FANK1: variants seen among roughly 807,000 people sequenced by gnomAD.
The protein encoded by FANK1 is fibronectin type III and ankyrin repeat domains 1.
A neutral mutation model predicts 45.3 loss-of-function variants in FANK1; 44 were observed. That is an observed-to-expected ratio of 0.97 (90% CI 0.76 to 1.25). The LOEUF (loss-of-function observed/expected upper bound fraction) is 1.25, where lower values mean the gene tolerates loss of function less well. Among genes scored for constraint, FANK1 ranks in the 50% most tolerant of loss-of-function variants. The probability of loss-of-function intolerance (pLI) is 0.00; values close to 1 mark genes in which losing one functional copy is unlikely to be tolerated. For missense variants in FANK1, 391 were observed against 424.4 expected (o/e 0.92, Z 0.69); for synonymous variants, 149 against 152.5 (o/e 0.98, Z 0.17).
intron 1 of FANK1, among the ~76,000 whole-genome samples, chr10:125,907,004 G>C (rs111894283): frequency 6.6e-6 from 1 of 152,194 alleles, no homozygotes; most frequent in Non-Finnish European, 1.5e-5. Context: ...CATTAGGTTT[G>C]TCCTCTGTAA....
chr10:125,942,475 G>T (rs895289738), intron 1 of FANK1, among the ~76,000 whole-genome samples: 6 of 152,108 alleles, frequency 3.9e-5, no homozygotes, highest in Non-Finnish European at 8.8e-5. Flanking sequence ...CCCCAATCTG[G>T]ACAAGCTGAG....
rs760631700 is a variant in FANK1, at chr10:125,964,995, C to T, written c.14-15166C>T. Among the ~76,000 whole-genome samples, 5 of 152,266 alleles carry T rather than the reference C, an allele frequency of 3.3e-5. No individual in the cohort carries two copies. In the South Asian group the frequency reaches 8.3e-4, roughly 25 times the overall value. ...CTAACATGCAGAAACCCTGTCTCTA[C>T]TAAAAATACAGAATTAGCCATGTGT... On this transcript the variant is annotated intron_variant, in intron 1 of 10. Transcript: ENST00000368693.
intron 1 of FANK1, among the ~76,000 whole-genome samples, chr10:125,971,394 C>G (rs1280501304): frequency 6.6e-6 from 1 of 151,870 alleles, no homozygotes; most frequent in Non-Finnish European, 1.5e-5. Context: ...GGTCAGCAGC[C>G]TCCCTGACCT....
At chr10:125,995,525 T>C (rs774976820) in intron 4 of FANK1, 27 bp downstream of exon 4, 1 of 1,602,610 alleles carries the variant, frequency 6.2e-7, no homozygotes, top group East Asian at 2.2e-5. Context: ...AGTTGTTTTT[T>C]TTCCCCCATG....
chr10:126,005,196 C>T, intron 7 of FANK1, 147 bp downstream of exon 7: 1 of 862,472 alleles, frequency 1.2e-6, no homozygotes, highest in Non-Finnish European at 1.7e-6. Context: ...GCCCCTGAAA[C>T]CTTAGAATGG....
At chr10:125,906,748 C>T (rs1479930208) in intron 1 of FANK1, among the ~76,000 whole-genome samples, 3 of 152,154 alleles carry the variant, frequency 2.0e-5, no homozygotes, top group East Asian at 3.9e-4. Flanking sequence ...GAGATTGCTT[C>T]CTTTTCCTAC....
intron 1 of FANK1, among the ~76,000 whole-genome samples, chr10:125,952,705 C>T (rs886116694): frequency 2.6e-4 from 40 of 151,622 alleles, no homozygotes; most frequent in Non-Finnish European, 5.0e-4. Flanking sequence ...TGCCTCTCTC[C>T]TGTGGAATGG....
intron 2 of FANK1, among the ~76,000 whole-genome samples, chr10:125,987,528 GAC>G (rs34923987): frequency 0.54 from 80,502 of 150,008 alleles, 21,899 homozygotes; most frequent in African/African-American, 0.64. Context: ...AGCTGGAAAT[GAC>G]ACACACACAC....
Position 125,988,789 on chromosome 10 carries a change from A to G in FANK1, c.316+114A>G, listed in dbSNP as rs757966193. Reference sequence around the variant, plus strand: ...CCTTACCAGAAGCAGAAATGATACAATTTTTAAACACTGCAATAATATTTG... The same window carrying G: ...CCTTACCAGAAGCAGAAATGATACAGTTTTTAAACACTGCAATAATATTTG... On this transcript the variant is annotated intron_variant, in intron 3 of 10. Transcript: ENST00000368693. The G allele has an allele frequency of 1.1e-4, 160 of 1,496,416 alleles. 1 individual carries two copies. The highest frequency in any genetic ancestry group is 2.2e-4 in the Admixed American group (13 of 59,582). 92.7% of individuals were successfully genotyped at this position (1,496,416 alleles called of 1,614,324 possible).
chr10:125,914,280 C>CATAT (rs572373307), intron 1 of FANK1, among the ~76,000 whole-genome samples: 5 of 140,342 alleles, frequency 3.6e-5, no homozygotes, highest in African/African-American at 1.2e-4. Context: ...CTTTGTATGC[C>CATAT]ATATATATAT....
chr10:125,927,386 G>C, intron 1 of FANK1, among the ~76,000 whole-genome samples: 1 of 152,134 alleles, frequency 6.6e-6, no homozygotes, highest in Non-Finnish European at 1.5e-5. Context: ...TCTTTTGTCA[G>C]CTTTAGACTT....
intron 1 of FANK1, among the ~76,000 whole-genome samples, chr10:125,953,425 G>A: frequency 6.6e-6 from 1 of 152,198 alleles, no homozygotes; most frequent in East Asian, 1.9e-4. Context: ...ACTGATCAGG[G>A]AGGTGGTGTG....
At chr10:125,899,558 C>A (rs1344071707) in intron 1 of FANK1, among the ~76,000 whole-genome samples, 1 of 152,196 alleles carries the variant, frequency 6.6e-6, no homozygotes, top group Non-Finnish European at 1.5e-5. Context: ...TAAATATTTA[C>A]TACCATTCAC....
chr10:125,925,607 G>A (rs901915007), intron 1 of FANK1, among the ~76,000 whole-genome samples: 4 of 152,178 alleles, frequency 2.6e-5, no homozygotes, highest in African/African-American at 9.7e-5. Flanking sequence ...ATATTGCCAA[G>A]GCTGGTCTTG....
At chr10:125,918,245 A>G (rs1201679259) in intron 1 of FANK1, among the ~76,000 whole-genome samples, 1 of 151,996 alleles carries the variant, frequency 6.6e-6, no homozygotes, top group Non-Finnish European at 1.5e-5. Flanking sequence ...CTTAATGCCA[A>G]TAACTGTACA....
At chr10:125,996,063 T>C (rs992668746) in intron 4 of FANK1, among the ~76,000 whole-genome samples, 1 of 152,154 alleles carries the variant, frequency 6.6e-6, no homozygotes, top group Non-Finnish European at 1.5e-5. Context: ...TAAGAGAAGG[T>C]TCCCACAAAA....
Position 125,923,460 on chromosome 10 carries a change from C to CA in FANK1, c.13+26817dup, listed in dbSNP as rs72485360. The stretch of plus-strand genomic sequence containing the variant: ...TGGGCGACAGAATGAGACCTTGTCT[C>CA]AAAAAAAAAAAATTTTTTTCATCTA... On this transcript the variant is annotated intron_variant, in intron 1 of 10. Transcript: ENST00000368693. 7.5e-3 allele frequency among the ~76,000 whole-genome samples: 1,080 copies of CA among 144,408 alleles called. 10 individuals carry two copies. Among genetic ancestry groups the CA allele is most frequent in the African/African-American group, 0.025 (997 of 39,208 alleles). The allele number at this position is 144,408 out of a possible 152,430, so 94.7% of individuals were successfully genotyped here. A position where few individuals can be genotyped will look rare whatever the true frequency, so the allele number is the denominator to read the frequency against.
chr10:125,947,903 T>C (rs1420826010), intron 1 of FANK1, among the ~76,000 whole-genome samples: 2 of 144,282 alleles, frequency 1.4e-5, no homozygotes, highest in South Asian at 2.4e-4. Context: ...ACAGAAATTA[T>C]AACAAACTAT....
chr10:125,991,740 G>T (rs552825447), intron 3 of FANK1, among the ~76,000 whole-genome samples: 1 of 152,264 alleles, frequency 6.6e-6, no homozygotes, highest in South Asian at 2.1e-4. Flanking sequence ...GCTGCTACTT[G>T]TTAATTGGCA....
Sources: allele counts gnomAD v4.1 joint callset (sites outside exome capture counted in the v4.1 genomes callset), GRCh38; gene constraint gnomAD v4.1.1; transcripts MANE v1.5; gene names NCBI Gene and HGNC (gene_info 2026-07-23, HGNC 2026-07-21).